NCKAP5: variants seen among roughly 807,000 people sequenced by gnomAD.
NCKAP5 encodes nck-associated protein 5.
NCKAP5 carries 92 observed loss-of-function variants against 167.0 expected under a neutral mutation model. The observed-to-expected ratio is 0.55, with a 90% CI of 0.47 to 0.66. The LOEUF (loss-of-function observed/expected upper bound fraction) is 0.66. Among genes scored for constraint, NCKAP5 ranks in the 30% least tolerant of loss-of-function variants. The pLI is 0.00. For missense variants in NCKAP5, 2,378 were observed against 2,315.0 expected (o/e 1.03, Z -0.56); for synonymous variants, 891 against 877.4 (o/e 1.02, Z -0.27).
At chr2:132,757,003 A>G (rs1680612022) in intron 16 of NCKAP5, among the ~76,000 whole-genome samples, 2 of 152,228 alleles carry the variant, frequency 1.3e-5, no homozygotes, top group Non-Finnish European at 2.9e-5. Context: ...TAACATCGCC[A>G]GAGTATAGGT....
chr2:133,265,683 T>C (rs1251866055), intron 4 of NCKAP5, among the ~76,000 whole-genome samples: 1 of 150,910 alleles, frequency 6.6e-6, no homozygotes, highest in Non-Finnish European at 1.5e-5. Context: ...GTCAGGGATC[T>C]CCCCTACACG....
At chr2:133,590,783 C>G in the NCKAP5 span, among the ~76,000 whole-genome samples, 4 of 152,214 alleles carry the variant, frequency 2.6e-5, no homozygotes, top group Middle Eastern at 3.4e-3. Context: ...TTTGCCCAGC[C>G]CTTTGACTCA....
At chr2:133,656,958 G>GT in the NCKAP5 span, among the ~76,000 whole-genome samples, 1 of 146,298 alleles carries the variant, frequency 6.8e-6, no homozygotes, top group African/African-American at 2.5e-5. Context: ...AAAGTCCATT[G>GT]TATCATTCTT....
chr2:133,115,755 T>G (rs2082051193), intron 6 of NCKAP5, among the ~76,000 whole-genome samples: 1 of 123,236 alleles, frequency 8.1e-6, no homozygotes. Context: ...GGAGGTAAAT[T>G]GAAGTATATA....
chr2:133,588,606 C>T, the NCKAP5 span, among the ~76,000 whole-genome samples: 3 of 152,064 alleles, frequency 2.0e-5, no homozygotes, highest in South Asian at 2.1e-4. Flanking sequence ...TAGAAGTGAA[C>T]CAGAACACTA....
At chr2:133,215,273 A>T (rs183260224) in intron 4 of NCKAP5, among the ~76,000 whole-genome samples, 14 of 152,362 alleles carry the variant, frequency 9.2e-5, no homozygotes, top group African/African-American at 2.9e-4. Context: ...GAAAAGAACA[A>T]ATTAAGGGAA....
At position 133,177,164 on chromosome 2, in the gene NCKAP5, C is replaced by CTATA. The variant is rs61395261; in HGVS notation, c.207+36548_207+36551dup. Among the ~76,000 whole-genome samples the CTATA allele has an allele frequency of 8.0e-3, 1,103 of 138,620 alleles. 18 individuals are homozygous for CTATA. Among genetic ancestry groups the CTATA allele is most frequent in the African/African-American group, 0.025 (877 of 35,048 alleles). 90.9% of individuals were successfully genotyped at this position (138,620 alleles called of 152,430 possible). A position where few individuals can be genotyped will look rare whatever the true frequency, so the allele number is the denominator to read the frequency against. On this transcript the variant is annotated intron_variant, in intron 5 of 19. Coordinates refer to ENST00000409261, the MANE Select transcript of NCKAP5 (RefSeq NM_207363.3). ...TTAGCGACACAGGAGGTTTTGTTTT[C>CTATA]TATATATATATATATATATATATAC...
chr2:132,773,359 T>C lies in NCKAP5; in HGVS notation c.5128+457A>G, dbSNP rs1574154330. ...AACTTATTTCAGAGACAGGACTATC[T>C]ATATTCTGAGTTTTAACAGAAATGA... On this transcript the variant is annotated intron_variant, in intron 16 of 19. Transcript: ENST00000409261. Among the ~76,000 whole-genome samples the C allele has an allele frequency of 2.6e-5, 4 of 152,356 alleles. 1 individual carries two copies. In the South Asian group the frequency reaches 8.3e-4, roughly 32 times the overall value.
rs551101170 is a variant in NCKAP5, at chr2:132,963,715, C to A, written c.579+5G>T. The A allele has an allele frequency of 6.2e-7, 1 of 1,611,320 alleles. No homozygotes were observed. Among genetic ancestry groups the A allele is most frequent in the Non-Finnish European group, 8.5e-7 (1 of 1,179,328 alleles). On this transcript the variant is annotated splice_donor_5th_base_variant and intron_variant, in intron 8 of 19. Coordinates refer to ENST00000409261, the MANE Select transcript of NCKAP5 (RefSeq NM_207363.3). ...GAAGAGTGTAAAAATTGCTTCATTT[C>A]TTACCTCTAGAGCTTTCAATCTCTC...
intron 16 of NCKAP5, among the ~76,000 whole-genome samples, chr2:132,769,875 A>G (rs1681869835): frequency 1.3e-5 from 2 of 152,218 alleles, no homozygotes; most frequent in Non-Finnish European, 2.9e-5. Flanking sequence ...GTCAATTTGC[A>G]ACCAGAGGCC....
chr2:133,451,443 G>C (rs568745709), intron 3 of NCKAP5, among the ~76,000 whole-genome samples: 1 of 152,130 alleles, frequency 6.6e-6, no homozygotes, highest in Non-Finnish European at 1.5e-5. Context: ...CTTCATCAGC[G>C]AAAGTCAAGT....
At position 133,516,505 on chromosome 2, in the gene NCKAP5, C is replaced by A. The variant is rs145162113; in HGVS notation, c.69+953G>T. On this transcript the variant is annotated intron_variant, in intron 3 of 19. Coordinates refer to ENST00000409261, the MANE Select transcript of NCKAP5 (RefSeq NM_207363.3). ...GCTTAACACAATCCTCTTCTCAAGT[C>A]CCAGAAACTCACATCTATGAATAAT... is the stretch of plus-strand genomic sequence containing the variant. Among the ~76,000 whole-genome samples, 248 of 152,274 alleles carry A rather than the reference C, an allele frequency of 1.6e-3. 1 individual carries two copies. Among genetic ancestry groups the A allele is most frequent in the African/African-American group, 5.6e-3 (234 of 41,556 alleles).
chr2:133,609,873 G>A, the NCKAP5 span, among the ~76,000 whole-genome samples: 1 of 152,160 alleles, frequency 6.6e-6, no homozygotes, highest in East Asian at 1.9e-4. Context: ...ATAATAAACA[G>A]CAATAATAAG....
intron 3 of NCKAP5, among the ~76,000 whole-genome samples, chr2:133,362,737 T>A (rs879841321): frequency 6.8e-6 from 1 of 146,482 alleles, no homozygotes; most frequent in Non-Finnish European, 1.5e-5. Context: ...AGATATGTAA[T>A]CATGTATTTC....
chr2:133,046,531 A>C (rs1559083979), intron 6 of NCKAP5, among the ~76,000 whole-genome samples: 1 of 152,018 alleles, frequency 6.6e-6, no homozygotes, highest in Non-Finnish European at 1.5e-5. Flanking sequence ...GGCAAGTGCC[A>C]CCATGCCTGG....
the NCKAP5 span, among the ~76,000 whole-genome samples, chr2:133,647,713 A>AAAGGAAAGAAGGAAGGAAGGAAGG: frequency 1.2e-5 from 1 of 85,712 alleles, no homozygotes; most frequent in Non-Finnish European, 2.1e-5. Flanking sequence ...AAAGAAAAAG[A>AAAGGAAAGAAGGAAGGAAGGAAGG]AAGGAAGGAA....
chr2:133,614,149 C>T, the NCKAP5 span, among the ~76,000 whole-genome samples: 4 of 152,092 alleles, frequency 2.6e-5, no homozygotes, highest in African/African-American at 7.2e-5. Context: ...TTACAGGCTC[C>T]CTGAGATACC....
At chr2:133,601,744 A>T in the NCKAP5 span, among the ~76,000 whole-genome samples, 4 of 152,114 alleles carry the variant, frequency 2.6e-5, no homozygotes, top group Admixed American at 6.5e-5. Context: ...AAATAAATAA[A>T]TAATAAATAA....
chr2:132,789,919 T>C, intron 13 of NCKAP5, 104 bp downstream of exon 13: 1 of 1,069,286 alleles, frequency 9.4e-7, no homozygotes, highest in Non-Finnish European at 1.3e-6. Context: ...GCTCAGCAAA[T>C]GGTGGCTTCC....
Sources: allele counts gnomAD v4.1 joint callset (sites outside exome capture counted in the v4.1 genomes callset), GRCh38; gene constraint gnomAD v4.1.1; transcripts MANE v1.5; gene names NCBI Gene and HGNC (gene_info 2026-07-23, HGNC 2026-07-21).